Variants in ERGIC1 observed in about 807,000 individuals in gnomAD.
The protein encoded by ERGIC1 is endoplasmic reticulum-golgi intermediate compartment 1.
A neutral mutation model predicts 38.3 loss-of-function variants in ERGIC1; 19 were observed. That is an observed-to-expected ratio of 0.50 (90% CI 0.35 to 0.73). The LOEUF (loss-of-function observed/expected upper bound fraction) is 0.73. Among genes scored for constraint, ERGIC1 ranks in the 30% least tolerant of loss-of-function variants. The pLI is 0.01. For missense variants in ERGIC1, 294 were observed against 389.2 expected (o/e 0.76, Z 2.06); for synonymous variants, 124 against 157.6 (o/e 0.79, Z 1.60).
At chr5:172,908,752 A>T (rs932616511) in intron 3 of ERGIC1, among the ~76,000 whole-genome samples, 2 of 152,196 alleles carry the variant, frequency 1.3e-5, no homozygotes, top group Non-Finnish European at 2.9e-5. Flanking sequence ...ATAAGACAAT[A>T]AATGTGTGTT....
At position 172,906,184 on chromosome 5, in the gene ERGIC1, C is replaced by T. The variant is rs761367041; in HGVS notation, c.156-3483C>T. 72 of 456,182 alleles carry T rather than the reference C, an allele frequency of 1.6e-4. 1 individual carries two copies. The highest frequency in any genetic ancestry group is 7.9e-4 in the South Asian group (51 of 64,552). The allele number at this position is 456,182 out of a possible 1,614,324, so 28.3% of individuals were successfully genotyped here. Reference sequence around the variant, plus strand: ...CTACAAGCAAGGTCAAGCGCAGGTCCGTGTCTCCCCTCTCCCATCCTAAGG... The same window carrying T: ...CTACAAGCAAGGTCAAGCGCAGGTCTGTGTCTCCCCTCTCCCATCCTAAGG... On this transcript the variant is annotated intron_variant, in intron 3 of 9. Coordinates refer to ENST00000393784, the MANE Select transcript of ERGIC1 (RefSeq NM_001031711.3).
chr5:172,945,391 A>G (rs553271291), intron 9 of ERGIC1, among the ~76,000 whole-genome samples: 22 of 152,176 alleles, frequency 1.4e-4, no homozygotes, highest in African/African-American at 5.3e-4. Context: ...GTGCTGGGAC[A>G]CTCTTGCGGT....
Position 172,837,135 on chromosome 5 carries a change from G to A in ERGIC1, c.20+2702G>A, listed in dbSNP as rs188688047. Among the ~76,000 whole-genome samples the A allele has an allele frequency of 3.0e-4, 46 of 152,242 alleles. No individual in the cohort carries two copies. The South Asian group carries it at 6.2e-3, about 21-fold the overall frequency. ...AGGGAGAAAACCAGCCGTCCTGCTC[G>A]TGTTCCCCTTCTTAAAATCAGAAGC... On this transcript the variant is annotated intron_variant, in intron 1 of 9. Coordinates refer to ENST00000393784, the MANE Select transcript of ERGIC1 (RefSeq NM_001031711.3). The surrounding 1 kb of genome is among the most constrained non-coding windows in gnomAD (Gnocchi z 4.3).
intron 1 of ERGIC1, among the ~76,000 whole-genome samples, chr5:172,881,058 G>A (rs562507052): frequency 6.6e-6 from 1 of 152,350 alleles, no homozygotes; most frequent in African/African-American, 2.4e-5. Flanking sequence ...AGACCAGCCT[G>A]ACCAACATGG....
rs1554110394 is a variant in ERGIC1, at chr5:172,893,905, ATGTGTGTGTGTG to A, written c.83-3077_83-3066del. Reference sequence around the variant, plus strand: ...TATATATATATATATATATATATATATGTGTGTGTGTGTGTGTGTGTGTGTGTGTGTATATAT... The same window carrying A: ...TATATATATATATATATATATATATATGTGTGTGTGTGTGTGTGTATATAT... On this transcript the variant is annotated intron_variant, in intron 2 of 9. Transcript: ENST00000393784. 3.9e-4 allele frequency among the ~76,000 whole-genome samples: 6 copies of A among 15,544 alleles called. 1 individual carries two copies. Among genetic ancestry groups the A allele is most frequent in the African/African-American group, 6.6e-4 (6 of 9,082 alleles). The allele number at this position is 15,544 out of a possible 152,430, so 10.2% of individuals were successfully genotyped here.
intron 2 of ERGIC1, among the ~76,000 whole-genome samples, chr5:172,893,963 C>G (rs1762651211): frequency 2.2e-5 from 2 of 92,088 alleles, no homozygotes; most frequent in African/African-American, 8.1e-5. Flanking sequence ...ATTTAAATGT[C>G]CATGGATGGA....
chr5:172,924,027 C>T lies in ERGIC1; in HGVS notation c.398C>T (p.Ser133Phe). 6.2e-7 allele frequency: 1 copy of T among 1,614,196 alleles called. No homozygotes were observed. Among genetic ancestry groups the T allele is most frequent in the Non-Finnish European group, 8.5e-7 (1 of 1,180,036 alleles). The change falls in exon 6 of 10, where the codon TCC (serine) becomes TTC (phenylalanine). Residue 133 changes from serine (S) to phenylalanine (F), a missense_variant. By Grantham distance (155) the Ser-to-Phe change is radical. Around this residue, in one of 3 missense-constraint regions of ERGIC1, gnomAD observed 163 missense variants for 225.8 expected, o/e 0.72. Transcript: ENST00000393784. The stretch of plus-strand genomic sequence containing the variant: ...CAGGTCCCCGGCAACTTCCACGTGT[C>T]CACACACAGTGCCACAGCCCAGCCA... ...INKVPGNFHV[S>F]THSATAQPQN...
At chr5:172,909,839 C>T in intron 4 of ERGIC1, 78 bp downstream of exon 4, 9 of 1,317,960 alleles carry the variant, frequency 6.8e-6, no homozygotes, top group African/African-American at 1.4e-5. Flanking sequence ...ATGGCAAGAT[C>T]TCCAGGACAA....
In ERGIC1 at chr5:172,861,147, C is replaced by T. The variant is rs146253815; in HGVS notation, c.20+26714C>T. Among the ~76,000 whole-genome samples the T allele has an allele frequency of 1.4e-3, 214 of 152,334 alleles. 1 individual carries two copies. Among genetic ancestry groups the T allele is most frequent in the African/African-American group, 4.8e-3 (199 of 41,570 alleles). ...CACCTGCCCCTCCCTGCGTGCCAGC[C>T]GCAGTGGCCACCGCTGCTGCTGACA... On this transcript the variant is annotated intron_variant, in intron 1 of 9. Transcript: ENST00000393784.
At chr5:172,903,933 G>T (rs1311561439) in intron 3 of ERGIC1, among the ~76,000 whole-genome samples, 1 of 151,512 alleles carries the variant, frequency 6.6e-6, no homozygotes, top group Non-Finnish European at 1.5e-5. Flanking sequence ...GAAGGGTGTG[G>T]AATCGGCCCT....
At chr5:172,836,286 G>C (rs962161575) in intron 1 of ERGIC1, among the ~76,000 whole-genome samples, 8 of 152,180 alleles carry the variant, frequency 5.3e-5, no homozygotes, top group African/African-American at 1.7e-4. Flanking sequence ...GGTAAGGCCA[G>C]CTCTAGCCTT....
At chr5:172,864,047 A>G (rs1238110668) in intron 1 of ERGIC1, among the ~76,000 whole-genome samples, 1 of 152,030 alleles carries the variant, frequency 6.6e-6, no homozygotes, top group Non-Finnish European at 1.5e-5. Context: ...ATACAAAAAA[A>G]TTAGCTGGGC....
intron 4 of ERGIC1, among the ~76,000 whole-genome samples, chr5:172,911,783 A>G (rs1315936203): frequency 2.0e-5 from 3 of 152,180 alleles, no homozygotes; most frequent in Admixed American, 1.3e-4. Context: ...AATATTCTTC[A>G]TTATACAACT....
chr5:172,916,029 C>CAGTGGT (rs1763356960), intron 5 of ERGIC1: 2 of 186,332 alleles, frequency 1.1e-5, no homozygotes, highest in South Asian at 1.8e-4. Flanking sequence ...TCCGTGTTCC[C>CAGTGGT]GCTATGACAA....
At chr5:172,843,557 A>AT (rs1334143184) in intron 1 of ERGIC1, among the ~76,000 whole-genome samples, 4 of 152,192 alleles carry the variant, frequency 2.6e-5, no homozygotes, top group African/African-American at 9.7e-5. Context: ...GCGTGTTTTG[A>AT]TGTCTTGCTG....
At chr5:172,919,115 A>G (rs1763448228) in intron 5 of ERGIC1, among the ~76,000 whole-genome samples, 1 of 152,160 alleles carries the variant, frequency 6.6e-6, no homozygotes, top group South Asian at 2.1e-4. Flanking sequence ...TTGGTGGCCC[A>G]TGTTCTATAA....
At chr5:172,936,152 G>A (rs996226554) in intron 9 of ERGIC1, 4 of 152,338 alleles carry the variant, frequency 2.6e-5, no homozygotes, top group Admixed American at 2.6e-4. Context: ...TATTAGTCAG[G>A]ACTCTGTTAC....
chr5:172,886,255 A>G (rs1476998891), intron 1 of ERGIC1, among the ~76,000 whole-genome samples: 3 of 151,708 alleles, frequency 2.0e-5, no homozygotes, highest in Non-Finnish European at 4.4e-5. Flanking sequence ...CGGAGAGAGG[A>G]CAGCGCCCAG....
Position 172,840,136 on chromosome 5 carries a change from C to T in ERGIC1, c.20+5703C>T, listed in dbSNP as rs79604676. Among the ~76,000 whole-genome samples, 404 of 149,568 alleles carry T rather than the reference C, an allele frequency of 2.7e-3. 2 individuals are homozygous for T. The highest frequency in any genetic ancestry group is 9.6e-3 in the African/African-American group (391 of 40,772). ...TCACACCAGCTAATGGCATCACCCT[C>T]GAGGGGCTCAGTTTTCCCACGCTGA... On this transcript the variant is annotated intron_variant, in intron 1 of 9. Coordinates refer to ENST00000393784, the MANE Select transcript of ERGIC1 (RefSeq NM_001031711.3).
Sources: gnomAD v4.1 joint callset for allele counts (sites outside exome capture counted in the v4.1 genomes callset) on GRCh38, gnomAD v4.1.1 for gene constraint, gnomAD v4.1.1 regional missense constraint, Gnocchi (gnomAD v3.1) non-coding constraint, MANE v1.5 for transcripts, NCBI Gene and HGNC (gene_info 2026-07-23, HGNC 2026-07-21) for gene names.